Variants in TMEM225B observed in about 807,000 individuals in gnomAD.
The protein encoded by TMEM225B is transmembrane protein 225B.
In TMEM225B, 10 loss-of-function variants were observed where a neutral mutation model predicts 16.9. The observed-to-expected ratio is 0.59, with a 90% CI of 0.36 to 1.00. The LOEUF is 1.00. Ranked by LOEUF, TMEM225B falls within the 50% of genes least tolerant of loss-of-function variation. The pLI, the probability that TMEM225B is intolerant of heterozygous loss-of-function variation, is 0.01. For missense variants in TMEM225B, 217 were observed against 267.0 expected (o/e 0.81, Z 1.30); for synonymous variants, 92 against 109.8 (o/e 0.84, Z 1.01).
rs560307064 is a variant in TMEM225B at position 99,600,146 on chromosome 7, C to T, written c.-84-59C>T. 9.1e-5 allele frequency: 64 copies of T among 700,712 alleles called. No individual in the cohort carries two copies. In the African/African-American group the frequency reaches 9.4e-4, roughly 10 times the overall value. 43.4% of individuals were successfully genotyped at this position (700,712 alleles called of 1,614,324 possible). On this transcript the variant is annotated intron_variant, in intron 1 of 5. Coordinates refer to ENST00000431679, the MANE Select transcript of TMEM225B (RefSeq NM_001195541.3). ...GGTATACCTGGCCCCAAAGTAACCC[C>T]GGGCTGTGAAGACAAAAGCACTGCA... is the stretch of plus-strand genomic sequence containing the variant.
intron 2 of TMEM225B, 77 bp from the exon 3 acceptor site, chr7:99,604,309 C>A: frequency 1.1e-6 from 1 of 911,942 alleles, no homozygotes; most frequent in Non-Finnish European, 1.7e-6. Context: ...TTTCCCCAGC[C>A]ACTGTCTCCT....
At chr7:99,600,367 G>C in intron 2 of TMEM225B, 82 bp downstream of exon 2, 1 of 693,052 alleles carries the variant, frequency 1.4e-6, no homozygotes, top group East Asian at 2.7e-5. Flanking sequence ...ACTTTTCAGG[G>C]GAGTGGGGTT....
chr7:99,607,883 TCC>T (rs1805962419), intron 5 of TMEM225B, 73 bp downstream of exon 5: 1 of 1,455,882 alleles, frequency 6.9e-7, no homozygotes, highest in Non-Finnish European at 9.1e-7. Flanking sequence ...GTGGAGGCCC[TCC>T]CTTTGGATTC....
intron 5 of TMEM225B, among the ~76,000 whole-genome samples, chr7:99,610,033 C>T (rs944508005): frequency 1.3e-5 from 2 of 152,232 alleles, no homozygotes; most frequent in African/African-American, 4.8e-5. Flanking sequence ...CTACCACGTC[C>T]ATCCCTCGTT....
chr7:99,607,472 G>C (rs915629088), intron 4 of TMEM225B, among the ~76,000 whole-genome samples: 5 of 152,226 alleles, frequency 3.3e-5, no homozygotes, highest in Admixed American at 1.3e-4. Flanking sequence ...GAGTTCTGAT[G>C]ATGGTTCCCT....
At chr7:99,607,313 G>A (rs960989400) in intron 4 of TMEM225B, among the ~76,000 whole-genome samples, 47 of 152,112 alleles carry the variant, frequency 3.1e-4, no homozygotes, top group Non-Finnish European at 1.2e-4. Context: ...ATTTATAAAG[G>A]GTGACCCAGG....
chr7:99,599,409 CA>C (rs950081216), intron 1 of TMEM225B, among the ~76,000 whole-genome samples: 13 of 148,304 alleles, frequency 8.8e-5, no homozygotes, highest in African/African-American at 1.7e-4. Flanking sequence ...GACCCCATCT[CA>C]AAAAAAAAAT....
In TMEM225B at chr7:99,604,463, C is replaced by T; in HGVS notation, c.75C>T (p.Tyr25=). Residue 25 remains tyrosine (Y), a synonymous_variant, in exon 3 of 6, where the codon TAC becomes TAT. Coordinates refer to ENST00000431679, the MANE Select transcript of TMEM225B (RefSeq NM_001195541.3). ...TCCCAGCCTTAACCTCCCTAGGCTACCTGATTATACTGGTGGTCTCCATCT... is the reference window on the plus strand; with the variant it reads ...TCCCAGCCTTAACCTCCCTAGGCTATCTGATTATACTGGTGGTCTCCATCT... The part of the protein sequence containing the change: ...AIVPALTSLG[Y]LIILVVSIFP... 6.5e-7 allele frequency: 1 copy of T among 1,536,056 alleles called. No individual in the cohort carries two copies. The highest frequency in any genetic ancestry group is 8.7e-7 in the Non-Finnish European group (1 of 1,146,856).
At chr7:99,603,092 AG>A (rs1290447381) in intron 2 of TMEM225B, among the ~76,000 whole-genome samples, 1 of 152,190 alleles carries the variant, frequency 6.6e-6, no homozygotes, top group East Asian at 1.9e-4. Flanking sequence ...TCCACGTGAT[AG>A]GGATCCTTCA....
intron 3 of TMEM225B, 73 bp from the exon 4 acceptor site, chr7:99,606,675 C>G (rs1805836511): frequency 2.8e-6 from 4 of 1,445,832 alleles, no homozygotes; most frequent in Non-Finnish European, 3.7e-6. Flanking sequence ...CCAGCCCTGC[C>G]CAGGCTCTGA....
intron 5 of TMEM225B, among the ~76,000 whole-genome samples, chr7:99,608,838 C>CATATATATATATATATATAT (rs1562956515): frequency 8.2e-5 from 9 of 110,014 alleles, no homozygotes; most frequent in East Asian, 4.9e-4. Flanking sequence ...TGTGTGTGCA[C>CATATATATATATATATATAT]GTATATATAT....
In TMEM225B at chr7:99,604,486, T is replaced by G. The variant is rs1162565522; in HGVS notation, c.98T>G (p.Ile33Ser). The change falls in exon 3 of 6, where the codon ATC (isoleucine) becomes AGC (serine). Residue 33 changes from isoleucine to serine, a missense_variant. Physicochemically the swap from Ile to Ser is moderately radical, Grantham distance 142. Coordinates refer to ENST00000431679, the MANE Select transcript of TMEM225B (RefSeq NM_001195541.3). ...TACCTGATTATACTGGTGGTCTCCATCTTTCCCTTCTGGGTGCGACTGACA... is the reference window on the plus strand; with the variant it reads ...TACCTGATTATACTGGTGGTCTCCAGCTTTCCCTTCTGGGTGCGACTGACA... ...LGYLIILVVS[I>S]FPFWVRLTNE... is the part of the protein sequence containing the mutation. 4.6e-6 allele frequency: 7 copies of G among 1,536,098 alleles called. No homozygotes were observed. The East Asian group carries it at 1.7e-4, about 38-fold the overall frequency.
In TMEM225B at chr7:99,606,781, CT is replaced by C; in HGVS notation, c.243del (p.Ala82GlnfsTer12). 6.5e-7 allele frequency: 1 copy of C among 1,536,096 alleles called. No homozygotes were observed. The highest frequency in any genetic ancestry group is 2.0e-5 in the Admixed American group (1 of 50,998). ...YIILGRVFLL[S>X]AVFLAFVTTF... ...ATCCTCGGCCGGGTTTTCCTGCTCTCTGCAGTTTTCTTGGCTTTCGTCACCA... is the reference window on the plus strand; with the variant it reads ...ATCCTCGGCCGGGTTTTCCTGCTCTCGCAGTTTTCTTGGCTTTCGTCACCA... On this transcript the variant is annotated frameshift_variant, in exon 4 of 6. Transcript: ENST00000431679. LOFTEE classifies it high-confidence loss of function.
chr7:99,608,870 T>C lies in TMEM225B; in HGVS notation c.493+1060T>C, dbSNP rs140066300. Among the ~76,000 whole-genome samples the C allele has an allele frequency of 3.7e-4, 55 of 147,106 alleles. No individual in the cohort carries two copies. The East Asian group carries it at 7.9e-3, about 21-fold the overall frequency. Reference sequence around the variant, plus strand: ...ATATATATATATATACACACACACATATATGTGTATATATGGCCAGGTGCA... The same window carrying C: ...ATATATATATATATACACACACACACATATGTGTATATATGGCCAGGTGCA... On this transcript the variant is annotated intron_variant, in intron 5 of 5. Transcript: ENST00000431679.
chr7:99,602,410 C>T (rs1373895006), intron 2 of TMEM225B, among the ~76,000 whole-genome samples: 1 of 152,244 alleles, frequency 6.6e-6, no homozygotes, highest in Admixed American at 6.5e-5. Flanking sequence ...TCCCTGCCCT[C>T]CCAACTTTAA....
At position 99,606,784 on chromosome 7, in the gene TMEM225B, C is replaced by T; in HGVS notation, c.245C>T (p.Ala82Val). 6.5e-7 allele frequency: 1 copy of T among 1,536,128 alleles called. No homozygotes were observed. The highest frequency in any genetic ancestry group is 8.7e-7 in the Non-Finnish European group (1 of 1,146,906). ...IILGRVFLLS[A>V]VFLAFVTTFI... ...CTCGGCCGGGTTTTCCTGCTCTCTG[C>T]AGTTTTCTTGGCTTTCGTCACCACC... Residue 82 changes from alanine (A) to valine (V), a missense_variant, in exon 4 of 6, where the codon GCA (alanine) becomes GTA (valine). Physicochemically the swap from Ala to Val is moderately conservative, Grantham distance 64. Transcript: ENST00000431679.
rs1011205480 is a variant in TMEM225B, at chr7:99,607,801, A to T, written c.484A>T (p.Ile162Leu). 2 of 1,535,938 alleles carry T rather than the reference A, an allele frequency of 1.3e-6. No individual in the cohort carries two copies. Among genetic ancestry groups the T allele is most frequent in the Non-Finnish European group, 1.7e-6 (2 of 1,146,868 alleles). Residue 162 changes from isoleucine (I) to leucine (L), a missense_variant, in exon 5 of 6, where the codon ATA becomes TTA. Ile to Leu is a conservative substitution (Grantham distance 5, BLOSUM62 2). Transcript: ENST00000431679. The part of the protein sequence containing the change: ...YVLGFGIFLF[I>L]VAGTICLIQE... The stretch of plus-strand genomic sequence containing the variant: ...GCTGGGCTTCGGCATCTTTCTGTTC[A>T]TAGTGGCTGGTGAGTGTCCAGGGAA...
intron 2 of TMEM225B, among the ~76,000 whole-genome samples, chr7:99,600,543 T>C (rs1467001587): frequency 1.3e-5 from 2 of 152,170 alleles, no homozygotes; most frequent in Non-Finnish European, 2.9e-5. Flanking sequence ...CTCACAATCA[T>C]GGCTGAAGGC....
Position 99,606,894 on chromosome 7 carries a change from G to A in TMEM225B, c.355G>A (p.Gly119Arg). The A allele has an allele frequency of 6.5e-7, 1 of 1,536,144 alleles. No homozygotes were observed. Among genetic ancestry groups the A allele is most frequent in the Non-Finnish European group, 8.7e-7 (1 of 1,146,906 alleles). The change falls in exon 4 of 6, where the codon GGG becomes AGG. Residue 119 changes from glycine (G) to arginine (R), a missense_variant and splice_region_variant. By Grantham distance (125) the Gly-to-Arg change is moderately radical (BLOSUM62 -2). Coordinates refer to ENST00000431679, the MANE Select transcript of TMEM225B (RefSeq NM_001195541.3). Reference protein sequence around the residue: ...FVLACISFFTGACAFLALVLH... With the variant: ...FVLACISFFTRACAFLALVLH... ...GTTAGCCTGCATCAGCTTCTTCACAGGTGTGGAACAGCTAGGTGATCCCTG... is the reference window on the plus strand; with the variant it reads ...GTTAGCCTGCATCAGCTTCTTCACAAGTGTGGAACAGCTAGGTGATCCCTG...
Sources: gnomAD v4.1 joint callset for allele counts (sites outside exome capture counted in the v4.1 genomes callset) on GRCh38, gnomAD v4.1.1 for gene constraint, MANE v1.5 for transcripts, NCBI Gene and HGNC (gene_info 2026-07-23, HGNC 2026-07-21) for gene names.